The following RBFOX1 variants were observed in gnomAD, a reference collection of about 807,000 sequenced individuals.
The protein encoded by RBFOX1 is RNA binding fox-1 homolog 1, also known as RNA binding protein fox-1 homolog 1.
In RBFOX1, 8 loss-of-function variants were observed where a neutral mutation model predicts 57.7. The observed-to-expected ratio is 0.14, with a 90% confidence interval of 0.08 to 0.25. The LOEUF (loss-of-function observed/expected upper bound fraction) is 0.25, where lower values mean the gene tolerates loss of function less well. Among genes scored for constraint, RBFOX1 ranks in the 10% least tolerant of loss-of-function variants. The pLI is 1.00. For missense variants in RBFOX1, 611 were observed against 548.5 expected, an observed-to-expected ratio of 1.11 and a Z score of -1.14; for synonymous variants, 326 against 222.4, an observed-to-expected ratio of 1.47 and a Z score of -4.15.
intron 4 of RBFOX1, among the ~76,000 whole-genome samples, chr16:7,237,646 C>A (rs538517443): frequency 7.1e-4 from 108 of 152,174 alleles, no homozygotes; most frequent in Non-Finnish European, 1.3e-3. Context: ...GCCAAGCGTC[C>A]ATGCACAGAC....
At chr16:7,084,398 G>A (rs76504912) in intron 4 of RBFOX1, among the ~76,000 whole-genome samples, 167 of 152,248 alleles carry the variant, frequency 1.1e-3, no homozygotes, top group African/African-American at 3.9e-3. Flanking sequence ...AAATAATCTT[G>A]CTATGTACAC....
chr16:6,778,967 T>C (rs1016007584), intron 3 of RBFOX1, among the ~76,000 whole-genome samples: 11 of 152,050 alleles, frequency 7.2e-5, no homozygotes, highest in Non-Finnish European at 1.3e-4. Flanking sequence ...ATCAAGGTAA[T>C]TGAAGTAGCC....
intron 1 of RBFOX1, among the ~76,000 whole-genome samples, chr16:5,364,509 G>A (rs937196818): frequency 1.3e-5 from 2 of 152,218 alleles, no homozygotes; most frequent in Admixed American, 6.5e-5. Context: ...CGATGCAAGG[G>A]ATCTGGCAAT....
chr16:7,245,103 T>G (rs887563604), intron 4 of RBFOX1, among the ~76,000 whole-genome samples: 1 of 152,210 alleles, frequency 6.6e-6, no homozygotes, highest in Non-Finnish European at 1.5e-5. Context: ...GTGCTGTATG[T>G]CCATTTAATT....
chr16:5,687,508 C>G (rs552306851), intron 3 of RBFOX1, among the ~76,000 whole-genome samples: 1 of 152,278 alleles, frequency 6.6e-6, no homozygotes, highest in East Asian at 1.9e-4. Flanking sequence ...AAGCTATGTT[C>G]GAATGCTTTG....
intron 5 of RBFOX1, among the ~76,000 whole-genome samples, chr16:7,559,682 G>A (rs957294950): frequency 6.6e-6 from 1 of 152,202 alleles, no homozygotes; most frequent in Non-Finnish European, 1.5e-5. Context: ...TTCATGACTT[G>A]TGTCTACTGT....
At chr16:6,870,162 A>C (rs1001065698) in intron 3 of RBFOX1, among the ~76,000 whole-genome samples, 2 of 152,132 alleles carry the variant, frequency 1.3e-5, no homozygotes, top group Non-Finnish European at 2.9e-5. Flanking sequence ...GATGGTGATG[A>C]ATGAGTTTAG....
intron 1 of RBFOX1, among the ~76,000 whole-genome samples, chr16:6,217,083 G>T (rs1180275978): frequency 6.6e-6 from 1 of 151,304 alleles, no homozygotes; most frequent in Non-Finnish European, 1.5e-5. Context: ...AGCTTTGCTA[G>T]ATTAATGGGT....
intron 4 of RBFOX1, among the ~76,000 whole-genome samples, chr16:7,468,293 TC>T (rs2060897246): frequency 6.6e-6 from 1 of 152,104 alleles, no homozygotes; most frequent in Admixed American, 6.5e-5. Flanking sequence ...TGGCACCTTA[TC>T]AAAAAATAAG....
At chr16:6,496,011 G>A (rs913691065) in intron 2 of RBFOX1, among the ~76,000 whole-genome samples, 3 of 152,168 alleles carry the variant, frequency 2.0e-5, no homozygotes, top group Non-Finnish European at 4.4e-5. Flanking sequence ...AAAGCCATCT[G>A]TTGCAGTGAC....
At chr16:7,535,648 A>G (rs2081294867) in intron 5 of RBFOX1, among the ~76,000 whole-genome samples, 1 of 152,168 alleles carries the variant, frequency 6.6e-6, no homozygotes, top group African/African-American at 2.4e-5. Context: ...CTTCCTTTGT[A>G]TGTTTTATAT....
At chr16:6,864,983 G>GTTTTTTTTTTTTTTTTTTTTTTTTTT (rs201161627) in intron 3 of RBFOX1, among the ~76,000 whole-genome samples, 1 of 121,040 alleles carries the variant, frequency 8.3e-6, no homozygotes, top group African/African-American at 3.6e-5. Context: ...GTTGGAGTGG[G>GTTTTTTTTTTTTTTTTTTTTTTTTTT]TTTTTCTTTT....
intron 4 of RBFOX1, among the ~76,000 whole-genome samples, chr16:6,004,445 C>A (rs976130131): frequency 6.6e-6 from 1 of 152,170 alleles, no homozygotes; most frequent in Non-Finnish European, 1.5e-5. Context: ...ATTACTGAAG[C>A]ATTTGTGAAC....
chr16:5,502,769 G>A (rs773230170), intron 2 of RBFOX1, among the ~76,000 whole-genome samples: 1 of 152,100 alleles, frequency 6.6e-6, no homozygotes, highest in Non-Finnish European at 1.5e-5. Context: ...GCCTGCCCCC[G>A]AAGGCTGGAA....
chr16:6,369,557 A>G (rs749104873), intron 2 of RBFOX1, among the ~76,000 whole-genome samples: 1 of 152,170 alleles, frequency 6.6e-6, no homozygotes, highest in Non-Finnish European at 1.5e-5. Flanking sequence ...TTGGGAGTGA[A>G]GAGATCTTTC....
intron 1 of RBFOX1, among the ~76,000 whole-genome samples, chr16:5,257,440 G>C (rs572274448): frequency 1.3e-5 from 2 of 152,184 alleles, no homozygotes; most frequent in African/African-American, 4.8e-5. Context: ...AGGAATCCCA[G>C]CATCCTCCTG....
At chr16:6,688,615 A>G (rs971476630) in intron 3 of RBFOX1, among the ~76,000 whole-genome samples, 34 of 152,134 alleles carry the variant, frequency 2.2e-4, no homozygotes, top group African/African-American at 8.2e-4. Flanking sequence ...CCAACCAGCC[A>G]TTTGACCTGC....
chr16:5,553,472 C>T (rs1031629649), intron 2 of RBFOX1, among the ~76,000 whole-genome samples: 3 of 151,952 alleles, frequency 2.0e-5, no homozygotes, highest in Non-Finnish European at 2.9e-5. Flanking sequence ...CCCGCCACCA[C>T]GCCTGGCTAA....
At chr16:6,353,030 C>T (rs1255104651) in intron 2 of RBFOX1, among the ~76,000 whole-genome samples, 3 of 151,960 alleles carry the variant, frequency 2.0e-5, no homozygotes, top group East Asian at 1.9e-4. Flanking sequence ...TAGTGCTGGC[C>T]GGCTGCTTTC....
Sources: allele counts gnomAD v4.1 joint callset (sites outside exome capture counted in the v4.1 genomes callset), GRCh38; gene constraint gnomAD v4.1.1; transcripts MANE v1.5; gene names NCBI Gene and HGNC (gene_info 2026-07-23, HGNC 2026-07-21).